Variants in TMTC1 observed in about 807,000 individuals in gnomAD.
TMTC1 encodes protein O-mannosyl-transferase TMTC1.
TMTC1 carries 73 observed loss-of-function variants against 104.8 expected under a neutral mutation model. That is an observed-to-expected ratio of 0.70 (90% CI 0.58 to 0.85). The LOEUF is 0.85. Ranked by LOEUF, TMTC1 falls within the 40% of genes least tolerant of loss-of-function variation. The pLI is 0.00. For synonymous variants in TMTC1, 434 were observed against 428.7 expected (o/e 1.01, Z -0.15); for missense variants, 1,035 against 1,096.1 (o/e 0.94, Z 0.79).
At chr12:29,665,432 A>G (rs1323547050) in intron 5 of TMTC1, among the ~76,000 whole-genome samples, 1 of 152,172 alleles carries the variant, frequency 6.6e-6, no homozygotes, top group African/African-American at 2.4e-5. Flanking sequence ...CCACCATCCC[A>G]GTATATCATG....
At position 29,783,192 on chromosome 12, in the gene TMTC1, C is replaced by A. The variant is rs1943874751; in HGVS notation, c.302+258G>T. The A allele has an allele frequency of 5.2e-6, 2 of 382,442 alleles. No homozygotes were observed. The highest frequency in any genetic ancestry group is 9.2e-6 in the Non-Finnish European group (2 of 216,962). 23.7% of individuals were successfully genotyped at this position (382,442 alleles called of 1,614,324 possible). ...CCAGCCCTGCCTCGAGAGAGAAGCC[C>A]GCTGAGAGGGCAGACAGTTGAGAAA... On this transcript the variant is annotated intron_variant, in intron 1 of 17. Coordinates refer to ENST00000539277, the MANE Select transcript of TMTC1 (RefSeq NM_001193451.2). This position sits in a 1 kb window ranked among gnomAD's most constrained non-coding sequence, Gnocchi z 4.7.
At chr12:29,515,312 A>G (rs1045140726) in intron 15 of TMTC1, among the ~76,000 whole-genome samples, 39 of 152,042 alleles carry the variant, frequency 2.6e-4, no homozygotes, top group Non-Finnish European at 1.0e-4. Context: ...TTCAAAGCAA[A>G]TATCTGATCA....
intron 6 of TMTC1, chr12:29,614,008 A>C (rs1946913845): frequency 8.0e-6 from 6 of 746,016 alleles, no homozygotes; most frequent in Non-Finnish European, 8.2e-6. Flanking sequence ...ACCATAAAAA[A>C]GTTCACACAG....
intron 6 of TMTC1, among the ~76,000 whole-genome samples, chr12:29,616,689 A>C (rs997253516): frequency 7.3e-5 from 11 of 150,810 alleles, no homozygotes; most frequent in Non-Finnish European, 1.2e-4. Flanking sequence ...AAAAAAAAAA[A>C]ACATTTTCTG....
intron 5 of TMTC1, among the ~76,000 whole-genome samples, chr12:29,705,708 T>C (rs1184851910): frequency 6.6e-6 from 1 of 152,156 alleles, no homozygotes; most frequent in Non-Finnish European, 1.5e-5. Flanking sequence ...ACACATGAGG[T>C]ACACATTTTA....
chr12:29,555,799 C>T (rs1224964689), intron 10 of TMTC1, among the ~76,000 whole-genome samples: 1 of 152,166 alleles, frequency 6.6e-6, no homozygotes, highest in Non-Finnish European at 1.5e-5. Context: ...GTGCATGTGT[C>T]TTTACAGTAG....
At chr12:29,546,309 T>G (rs2136229173) in intron 10 of TMTC1, among the ~76,000 whole-genome samples, 1 of 152,226 alleles carries the variant, frequency 6.6e-6, no homozygotes, top group South Asian at 2.1e-4. Flanking sequence ...GCCAGAAAGC[T>G]GAGGGAAGAG....
chr12:29,630,914 C>T (rs1042214008), intron 6 of TMTC1, among the ~76,000 whole-genome samples: 4 of 152,248 alleles, frequency 2.6e-5, no homozygotes, highest in African/African-American at 7.2e-5. Context: ...CAGTGGCCAA[C>T]GCTCAGTGTT....
intron 6 of TMTC1, among the ~76,000 whole-genome samples, chr12:29,630,212 C>T (rs182344551): frequency 1.3e-5 from 2 of 152,240 alleles, no homozygotes; most frequent in East Asian, 1.9e-4. Context: ...ATACCCAAGA[C>T]TAGGTAATTT....
At chr12:29,512,494 A>G (rs979058273) in intron 16 of TMTC1, among the ~76,000 whole-genome samples, 2 of 152,204 alleles carry the variant, frequency 1.3e-5, no homozygotes, top group African/African-American at 4.8e-5. Flanking sequence ...TTATAATAAC[A>G]GAATTTTGGA....
chr12:29,543,206 G>A (rs1944849869), intron 10 of TMTC1, among the ~76,000 whole-genome samples: 1 of 152,188 alleles, frequency 6.6e-6, no homozygotes, highest in African/African-American at 2.4e-5. Context: ...TGTTTTTCCT[G>A]TGTGTTAAGT....
chr12:29,732,254 A>AGTACTTC (rs1425895995), intron 5 of TMTC1, among the ~76,000 whole-genome samples: 1 of 152,204 alleles, frequency 6.6e-6, no homozygotes, highest in Admixed American at 6.5e-5. Context: ...TACTCAAAGG[A>AGTACTTC]CTGACTTTAC....
At chr12:29,701,939 G>C (rs566461678) in intron 5 of TMTC1, among the ~76,000 whole-genome samples, 1 of 152,318 alleles carries the variant, frequency 6.6e-6, no homozygotes, top group East Asian at 1.9e-4. Flanking sequence ...ACTTGGTTAA[G>C]CTACTTTCCC....
intron 8 of TMTC1, among the ~76,000 whole-genome samples, chr12:29,575,054 G>T (rs959204764): frequency 2.6e-5 from 4 of 152,258 alleles, no homozygotes; most frequent in Admixed American, 6.5e-5. Flanking sequence ...AGCAGGAAGG[G>T]ATTGTTTTAT....
intron 1 of TMTC1, among the ~76,000 whole-genome samples, chr12:29,779,564 A>T (rs1189901277): frequency 6.6e-6 from 1 of 152,250 alleles, no homozygotes; most frequent in Non-Finnish European, 1.5e-5. Flanking sequence ...TATACAAGCA[A>T]CCACCTTTAT....
chr12:29,593,721 C>A (rs1047168838), intron 7 of TMTC1, among the ~76,000 whole-genome samples: 4 of 152,170 alleles, frequency 2.6e-5, no homozygotes, highest in Admixed American at 2.6e-4. Context: ...AAAATGAAGA[C>A]AATGTAAAGT....
chr12:29,740,060 A>G (rs1350411412), intron 5 of TMTC1, among the ~76,000 whole-genome samples: 1 of 152,142 alleles, frequency 6.6e-6, no homozygotes, highest in Non-Finnish European at 1.5e-5. Context: ...ACTGTGGCCC[A>G]GGCTGAAGTG....
intron 5 of TMTC1, among the ~76,000 whole-genome samples, chr12:29,717,992 A>G (rs1168957817): frequency 6.6e-6 from 1 of 152,206 alleles, no homozygotes; most frequent in Non-Finnish European, 1.5e-5. Context: ...ACTCAAAATA[A>G]ACACTGTTTT....
chr12:29,740,821 T>A (rs900416900), intron 5 of TMTC1, among the ~76,000 whole-genome samples: 4 of 152,128 alleles, frequency 2.6e-5, no homozygotes, highest in East Asian at 1.9e-4. Context: ...TTAATTTTTT[T>A]AAAAGCGACA....
Sources: gnomAD v4.1 joint callset for allele counts (sites outside exome capture counted in the v4.1 genomes callset) on GRCh38, gnomAD v4.1.1 for gene constraint, Gnocchi (gnomAD v3.1) non-coding constraint, MANE v1.5 for transcripts, NCBI Gene and HGNC (gene_info 2026-07-23, HGNC 2026-07-21) for gene names.